NBAS: variants seen among roughly 807,000 people sequenced by gnomAD.
NBAS encodes the protein NAG/BC035112 fusion.
Under a neutral mutation model 302.5 loss-of-function variants are expected in NBAS, and 219 were observed. The observed-to-expected ratio is 0.72, with a 90% confidence interval of 0.65 to 0.81. NBAS has a LOEUF of 0.81. Ranked by LOEUF, NBAS falls within the 30% of genes least tolerant of loss-of-function variation. The pLI, the probability that NBAS is intolerant of heterozygous loss-of-function variation, is 0.00. For synonymous variants in NBAS, 1,118 were observed against 1,021.6 expected (o/e 1.09, Z -1.80); for missense variants, 2,932 against 2,841.6 (o/e 1.03, Z -0.72).
At position 15,401,976 on chromosome 2, in the gene NBAS, GA is replaced by G. The variant is rs200654428; in HGVS notation, c.3071+191del. The stretch of plus-strand genomic sequence containing the variant: ...TATAATTACAGTTGAACAAAATATA[GA>G]ACTTCCCATATATTGGTAGGACAAG... On this transcript the variant is annotated intron_variant, in intron 26 of 51. Transcript: ENST00000281513. Among the ~76,000 whole-genome samples the G allele has an allele frequency of 4.1e-3, 630 of 152,124 alleles. 3 individuals are homozygous for G. The highest frequency in any genetic ancestry group is 6.8e-3 in the Middle Eastern group (2 of 294).
chr2:15,451,463 T>G (rs1478204381), intron 21 of NBAS, among the ~76,000 whole-genome samples: 1 of 152,148 alleles, frequency 6.6e-6, no homozygotes, highest in Non-Finnish European at 1.5e-5. Context: ...CATCAAAATA[T>G]CATCAACTTA....
At chr2:14,966,144 G>C in the NBAS span, among the ~76,000 whole-genome samples, 1 of 152,128 alleles carries the variant, frequency 6.6e-6, no homozygotes, top group African/African-American at 2.4e-5. Context: ...AAGTCCAAGA[G>C]CCTTCAGGGA....
intron 14 of NBAS, among the ~76,000 whole-genome samples, chr2:15,475,183 A>G (rs1368130911): frequency 6.6e-6 from 1 of 152,220 alleles, no homozygotes; most frequent in Non-Finnish European, 1.5e-5. Context: ...AAATATGTCA[A>G]TCTGCATTGC....
chr2:14,968,827 G>C, the NBAS span, among the ~76,000 whole-genome samples: 1 of 152,130 alleles, frequency 6.6e-6, no homozygotes, highest in Admixed American at 6.5e-5. Context: ...AATAATTCCA[G>C]CAATTTCACT....
chr2:15,275,765 C>G lies in NBAS; in HGVS notation c.5443G>C (p.Glu1815Gln). The G allele has an allele frequency of 6.2e-7, 1 of 1,614,042 alleles. No homozygotes were observed. Among genetic ancestry groups the G allele is most frequent in the Non-Finnish European group, 8.5e-7 (1 of 1,180,022 alleles). The change falls in exon 44 of 52, where the codon GAG (glutamate) becomes CAG (glutamine). Residue 1815 changes from glutamate (E) to glutamine (Q), a missense_variant. Coordinates refer to ENST00000281513, the MANE Select transcript of NBAS (RefSeq NM_015909.4). ...DENMSPLEAL[E>Q]PVLSSQNILS... ...ATATTTTGACTTGAAAGAACTGGCTCCAATGCTTCAAGAGGACTCATGTTT... is the reference window on the plus strand; with the variant it reads ...ATATTTTGACTTGAAAGAACTGGCTGCAATGCTTCAAGAGGACTCATGTTT...
chr2:14,915,465 T>C, the NBAS span, among the ~76,000 whole-genome samples: 196 of 152,306 alleles, frequency 1.3e-3, no homozygotes, highest in Non-Finnish European at 2.3e-3. Flanking sequence ...TAATTCTCGC[T>C]TGTTGTGGGA....
the NBAS span, among the ~76,000 whole-genome samples, chr2:14,970,958 G>A: frequency 6.6e-6 from 1 of 152,110 alleles, no homozygotes; most frequent in Non-Finnish European, 1.5e-5. Context: ...AATATTAACT[G>A]GTACAGAATT....
intron 48 of NBAS, among the ~76,000 whole-genome samples, chr2:15,203,238 G>T (rs1392443174): frequency 6.6e-6 from 1 of 152,102 alleles, no homozygotes; most frequent in East Asian, 1.9e-4. Flanking sequence ...ATATCATTCT[G>T]TCATACTTTA....
At chr2:14,992,824 AACT>A in the NBAS span, among the ~76,000 whole-genome samples, 1 of 152,058 alleles carries the variant, frequency 6.6e-6, no homozygotes, top group South Asian at 2.1e-4. Flanking sequence ...ATCGATTCTA[AACT>A]GGTCAAAGGA....
At chr2:15,110,324 CAT>C in the NBAS span, among the ~76,000 whole-genome samples, 67 of 152,224 alleles carry the variant, frequency 4.4e-4, no homozygotes, top group Middle Eastern at 3.4e-3. Context: ...CTTTCACAGA[CAT>C]ATATTCTGTG....
chr2:15,091,104 G>T, the NBAS span, among the ~76,000 whole-genome samples: 1 of 152,162 alleles, frequency 6.6e-6, no homozygotes, highest in African/African-American at 2.4e-5. Context: ...AATGAAAGTG[G>T]AATTTCCTCC....
the NBAS span, among the ~76,000 whole-genome samples, chr2:15,151,328 A>G: frequency 6.6e-6 from 1 of 152,218 alleles, no homozygotes; most frequent in African/African-American, 2.4e-5. Flanking sequence ...CTTAGTTTTC[A>G]TTATGGAGTA....
chr2:15,284,400 A>C (rs1436829391), intron 42 of NBAS, among the ~76,000 whole-genome samples: 1 of 152,198 alleles, frequency 6.6e-6, no homozygotes, highest in Non-Finnish European at 1.5e-5. Flanking sequence ...CCTAGAAGTG[A>C]CACCAATAGG....
At chr2:15,007,846 T>G in the NBAS span, among the ~76,000 whole-genome samples, 1 of 152,246 alleles carries the variant, frequency 6.6e-6, no homozygotes, top group Non-Finnish European at 1.5e-5. Context: ...CTCCACAATT[T>G]AGTATACTGC....
chr2:14,904,909 C>A, the NBAS span, among the ~76,000 whole-genome samples: 1 of 152,100 alleles, frequency 6.6e-6, no homozygotes, highest in Non-Finnish European at 1.5e-5. Context: ...ATTAGCCAGG[C>A]GCAGTGGCGG....
chr2:14,898,409 A>C, the NBAS span, among the ~76,000 whole-genome samples: 115 of 152,352 alleles, frequency 7.5e-4, no homozygotes, highest in Non-Finnish European at 1.2e-3. Flanking sequence ...CATTAAAAAC[A>C]ACAAATGGCA....
intron 51 of NBAS, among the ~76,000 whole-genome samples, chr2:15,174,951 GA>G (rs1664463774): frequency 6.6e-6 from 1 of 152,174 alleles, no homozygotes; most frequent in Non-Finnish European, 1.5e-5. Context: ...TTAGGTACCG[GA>G]GGTCCTAAAC....
Position 15,478,224 on chromosome 2 carries a change from AC to A in NBAS, c.1147+1del. The A allele has an allele frequency of 1.3e-6, 2 of 1,585,436 alleles. No individual in the cohort carries two copies. The highest frequency in any genetic ancestry group is 1.7e-6 in the Non-Finnish European group (2 of 1,154,044). On this transcript the variant is annotated splice_donor_variant, in intron 13 of 51. Coordinates refer to ENST00000281513, the MANE Select transcript of NBAS (RefSeq NM_015909.4). LOFTEE classifies it high-confidence loss of function. ...TCAATTATCACATTTCGTAGAACTC[AC>A]CTTTGATTTTTTTTCTCTTCTCAGT... is the stretch of plus-strand genomic sequence containing the variant.
chr2:14,785,002 T>G, the NBAS span, among the ~76,000 whole-genome samples: 5 of 152,168 alleles, frequency 3.3e-5, no homozygotes, highest in Admixed American at 2.0e-4. Context: ...CATTGAGCAG[T>G]GGTTTGTAGT....
Sources: allele counts gnomAD v4.1 joint callset (sites outside exome capture counted in the v4.1 genomes callset), GRCh38; gene constraint gnomAD v4.1.1; transcripts MANE v1.5; gene names NCBI Gene and HGNC (gene_info 2026-07-23, HGNC 2026-07-21).